Variants in CDK6 observed in about 807,000 individuals in gnomAD.
CDK6 encodes cyclin dependent kinase 6.
A neutral mutation model predicts 37.1 loss-of-function variants in CDK6; 6 were observed. The ratio of observed to expected loss-of-function variants is 0.16; its 90% CI spans 0.09 to 0.32. The LOEUF (loss-of-function observed/expected upper bound fraction) is 0.32. CDK6 is among the 10% of genes least tolerant of loss of function. The pLI, the probability that CDK6 is intolerant of heterozygous loss-of-function variation, is 1.00. For missense variants in CDK6, 224 were observed against 418.9 expected (o/e 0.53, Z 4.06); for synonymous variants, 160 against 161.3 (o/e 0.99, Z 0.06).
intron 5 of CDK6, among the ~76,000 whole-genome samples, chr7:92,668,144 G>C (rs150192975): frequency 6.6e-6 from 1 of 152,110 alleles, no homozygotes; most frequent in African/African-American, 2.4e-5. Context: ...TCTATGTTTA[G>C]ATACACAAAT....
At position 92,810,520 on chromosome 7, in the gene CDK6, G is replaced by A. The variant is rs3731281; in HGVS notation, c.233+22571C>T. Among the ~76,000 whole-genome samples, 345 of 152,266 alleles carry A rather than the reference G, an allele frequency of 2.3e-3. 1 individual carries two copies. The highest frequency in any genetic ancestry group is 0.014 in the Middle Eastern group (4 of 294). ...AGTCTCCCTCACTGCTGCTGTGAAC[G>A]TAATTATATTAACAGCACTTAAGAA... On this transcript the variant is annotated intron_variant, in intron 2 of 7. Transcript: ENST00000424848.
At chr7:92,710,446 T>C (rs1295983625) in intron 4 of CDK6, among the ~76,000 whole-genome samples, 2 of 152,202 alleles carry the variant, frequency 1.3e-5, no homozygotes, top group Admixed American at 6.5e-5. Flanking sequence ...GAAGAAGGAA[T>C]GGTATTTTCC....
At chr7:92,680,189 T>G (rs1416054495) in intron 4 of CDK6, among the ~76,000 whole-genome samples, 1 of 150,534 alleles carries the variant, frequency 6.6e-6, no homozygotes, top group African/African-American at 2.4e-5. Flanking sequence ...TCCCAGCACT[T>G]TGGGAGGCTG....
chr7:92,634,143 C>T (rs1796117462), intron 5 of CDK6, among the ~76,000 whole-genome samples: 1 of 151,990 alleles, frequency 6.6e-6, no homozygotes, highest in Non-Finnish European at 1.5e-5. Context: ...CCTATAGTTT[C>T]TTTATTCTTT....
In CDK6 at chr7:92,635,553, T is replaced by C. The variant is rs528966220; in HGVS notation, c.648-12467A>G. 3.3e-5 allele frequency among the ~76,000 whole-genome samples: 5 copies of C among 152,296 alleles called. 1 individual carries two copies. Among genetic ancestry groups the C allele is most frequent in the Admixed American group, 2.0e-4 (3 of 15,300 alleles). On this transcript the variant is annotated intron_variant, in intron 5 of 7. Transcript: ENST00000424848. Reference sequence around the variant, plus strand: ...AGTTAAAACTGCTGAGAAATAAAATTAACCTGCTCAGTAAAAGTAAGGCTA... The same window carrying C: ...AGTTAAAACTGCTGAGAAATAAAATCAACCTGCTCAGTAAAAGTAAGGCTA...
At chr7:92,748,109 G>A (rs1799102783) in intron 3 of CDK6, among the ~76,000 whole-genome samples, 2 of 152,166 alleles carry the variant, frequency 1.3e-5, no homozygotes, top group African/African-American at 2.4e-5. Context: ...AACTTATTGT[G>A]TGTTCTAATG....
At chr7:92,831,962 C>T (rs1393058792) in intron 2 of CDK6, among the ~76,000 whole-genome samples, 3 of 152,228 alleles carry the variant, frequency 2.0e-5, no homozygotes, top group Non-Finnish European at 4.4e-5. Context: ...AAATATTTAG[C>T]TGTGCTTATT....
chr7:92,666,810 C>T (rs1796965641), intron 5 of CDK6, among the ~76,000 whole-genome samples: 2 of 152,166 alleles, frequency 1.3e-5, no homozygotes, highest in African/African-American at 4.8e-5. Flanking sequence ...ATAATATTTG[C>T]TAATACAAGA....
intron 2 of CDK6, among the ~76,000 whole-genome samples, chr7:92,814,372 C>T (rs1782136066): frequency 6.6e-6 from 1 of 152,062 alleles, no homozygotes; most frequent in African/African-American, 2.4e-5. Context: ...CAATATTTCT[C>T]CAGAGCAGCT....
At position 92,833,335 on chromosome 7, in the gene CDK6, G is replaced by A. The variant is rs1196281872; in HGVS notation, c.-12C>T. The A allele has an allele frequency of 4.5e-6, 7 of 1,544,388 alleles. No homozygotes were observed. The highest frequency in any genetic ancestry group is 3.9e-5 in the Admixed American group (2 of 51,878). Reference sequence around the variant, plus strand: ...CCGTCCTTCTCCATGCCGCCTGGACGCCGCCCGCCGCGGCGCCGCTGGGGC... The same window carrying A: ...CCGTCCTTCTCCATGCCGCCTGGACACCGCCCGCCGCGGCGCCGCTGGGGC... On this transcript the variant is annotated 5_prime_UTR_variant, in exon 2 of 8. Transcript: ENST00000424848. The surrounding 1 kb of genome is among the most constrained non-coding windows in gnomAD (Gnocchi z 6.1).
At chr7:92,734,590 T>G (rs538615461) in intron 3 of CDK6, among the ~76,000 whole-genome samples, 1 of 152,174 alleles carries the variant, frequency 6.6e-6, no homozygotes, top group Non-Finnish European at 1.5e-5. Flanking sequence ...GCTCAATGAG[T>G]TTTCATAAAG....
At chr7:92,638,685 T>C (rs1428157366) in intron 5 of CDK6, among the ~76,000 whole-genome samples, 1 of 152,168 alleles carries the variant, frequency 6.6e-6, no homozygotes, top group African/African-American at 2.4e-5. Flanking sequence ...CTTGAATGCC[T>C]TGAAGGAACA....
At position 92,816,175 on chromosome 7, in the gene CDK6, T is replaced by A. The variant is rs138908347; in HGVS notation, c.233+16916A>T. On this transcript the variant is annotated intron_variant, in intron 2 of 7. Transcript: ENST00000424848. ...CAATGTTTGGCATCCAATAACACAT[T>A]ATTAGACATGCAGCCATACAGAACA... 2.0e-3 allele frequency among the ~76,000 whole-genome samples: 308 copies of A among 152,264 alleles called. 2 individuals are homozygous for A. Among genetic ancestry groups the A allele is most frequent in the African/African-American group, 7.1e-3 (297 of 41,560 alleles).
Position 92,803,863 on chromosome 7 carries a change from T to C in CDK6, c.234-29032A>G, listed in dbSNP as rs77232266. Among the ~76,000 whole-genome samples, 174 of 152,284 alleles carry C rather than the reference T, an allele frequency of 1.1e-3. 3 individuals are homozygous for C. In the East Asian group the frequency reaches 0.029, roughly 25 times the overall value. ...ATTAGACTTGGTTAATATCAAACTA[T>C]GACAAGTAGGATAAATTAATCTTCA... On this transcript the variant is annotated intron_variant, in intron 2 of 7. Coordinates refer to ENST00000424848, the MANE Select transcript of CDK6 (RefSeq NM_001145306.2).
At chr7:92,775,118 T>C (rs1799817234) in intron 2 of CDK6, among the ~76,000 whole-genome samples, 1 of 152,204 alleles carries the variant, frequency 6.6e-6, no homozygotes, top group Non-Finnish European at 1.5e-5. Flanking sequence ...TTTCCTTAGT[T>C]AGGACCTTAG....
rs1795483753 is a variant in CDK6 at position 92,608,521 on chromosome 7, T to A, written c.*6619A>T. 8.7e-6 allele frequency: 2 copies of A among 230,854 alleles called. No homozygotes were observed. The highest frequency in any genetic ancestry group is 2.2e-5 in the African/African-American group (1 of 45,170). 14.3% of individuals were successfully genotyped at this position (230,854 alleles called of 1,614,324 possible). A position where few individuals can be genotyped will look rare whatever the true frequency, so the allele number is the denominator to read the frequency against. On this transcript the variant is annotated 3_prime_UTR_variant, in exon 8 of 8. Transcript: ENST00000424848. Reference sequence around the variant, plus strand: ...TGGAAAATAAAAAAATAAAAAAAAATTCCTGCAATTATACATCTTTTCTTT... The same window carrying A: ...TGGAAAATAAAAAAATAAAAAAAAAATCCTGCAATTATACATCTTTTCTTT...
intron 2 of CDK6, among the ~76,000 whole-genome samples, chr7:92,827,766 AT>A (rs1801362903): frequency 6.6e-6 from 1 of 152,150 alleles, no homozygotes; most frequent in South Asian, 2.1e-4. Flanking sequence ...TGACACCCAG[AT>A]TTCATCTCTG....
At chr7:92,746,819 A>G (rs1233559776) in intron 3 of CDK6, among the ~76,000 whole-genome samples, 1 of 151,876 alleles carries the variant, frequency 6.6e-6, no homozygotes, top group East Asian at 1.9e-4. Flanking sequence ...TTTACTTTTC[A>G]TTTCTCTTAT....
chr7:92,629,921 A>C (rs907954019), intron 5 of CDK6, among the ~76,000 whole-genome samples: 1 of 152,038 alleles, frequency 6.6e-6, no homozygotes, highest in African/African-American at 2.4e-5. Flanking sequence ...ACGTGGCTAG[A>C]GAGAGGGTAT....
Sources: gnomAD v4.1 joint callset for allele counts (sites outside exome capture counted in the v4.1 genomes callset) on GRCh38, gnomAD v4.1.1 for gene constraint, Gnocchi (gnomAD v3.1) non-coding constraint, MANE v1.5 for transcripts, NCBI Gene and HGNC (gene_info 2026-07-23, HGNC 2026-07-21) for gene names.